Variants in MRPS18B observed in about 807,000 individuals in gnomAD.
MRPS18B encodes mitochondrial ribosomal protein S18B, also known as small ribosomal subunit protein mS40.
In MRPS18B, 27 loss-of-function variants were observed where a neutral mutation model predicts 28.4. The ratio of observed to expected loss-of-function variants is 0.95; its 90% CI spans 0.70 to 1.31. MRPS18B has a LOEUF of 1.31. Among genes scored for constraint, MRPS18B ranks in the 40% most tolerant of loss-of-function variants. MRPS18B has a pLI of 0.00. For synonymous variants in MRPS18B, 118 were observed against 123.7 expected (o/e 0.95, Z 0.30); for missense variants, 343 against 335.9 (o/e 1.02, Z -0.17).
chr6:30,626,092 GTC>G lies in MRPS18B; in HGVS notation c.*298_*299del. The G allele has an allele frequency of 3.4e-6, 1 of 290,616 alleles. No homozygotes were observed. The highest frequency in any genetic ancestry group is 6.2e-6 in the Non-Finnish European group (1 of 162,240). The allele number at this position is 290,616 out of a possible 1,614,324, so 18.0% of individuals were successfully genotyped here. ...CCAGCCTGGGTGACAGCTAGACCCT[GTC>G]TCAAAAAAAAAAAAAAAGACTGGGA... is the stretch of plus-strand genomic sequence containing the variant. On this transcript the variant is annotated 3_prime_UTR_variant, in exon 7 of 7. Transcript: ENST00000259873.
intron 4 of MRPS18B, among the ~76,000 whole-genome samples, chr6:30,621,521 AAGT>A (rs751470825): frequency 6.4e-4 from 98 of 152,370 alleles, no homozygotes; most frequent in Non-Finnish European, 9.4e-4. Flanking sequence ...ATCATCAGGG[AAGT>A]AGTAGAGCAT....
At chr6:30,624,846 CT>C in intron 5 of MRPS18B, 36 bp from the exon 6 acceptor site, 1 of 1,608,820 alleles carries the variant, frequency 6.2e-7, no homozygotes, top group Non-Finnish European at 8.5e-7. Context: ...CTATTATTTA[CT>C]GTGCCTTAAA....
At chr6:30,622,762 T>C (rs574867224) in intron 4 of MRPS18B, 70 bp from the exon 5 acceptor site, 2 of 1,465,100 alleles carry the variant, frequency 1.4e-6, no homozygotes, top group East Asian at 4.5e-5. Context: ...TTGTGTACTT[T>C]CGATGTCCAA....
At position 30,625,456 on chromosome 6, in the gene MRPS18B, CCCT is replaced by C. The variant is rs761739255; in HGVS notation, c.482-41_482-39del. Reference sequence around the variant, plus strand: ...CCTTTTTCTTACTTCATCTAAACCACCCTCCTCATTGCCTCTTAAATTTCTTTT... The same window carrying C: ...CCTTTTTCTTACTTCATCTAAACCACCCTCATTGCCTCTTAAATTTCTTTT... On this transcript the variant is annotated intron_variant, in intron 6 of 6. Transcript: ENST00000259873. 12 of 1,454,490 alleles carry C rather than the reference CCCT, an allele frequency of 8.3e-6. No individual in the cohort carries two copies. In the Admixed American group the frequency reaches 2.5e-4, roughly 30 times the overall value. 90.1% of individuals were successfully genotyped at this position (1,454,490 alleles called of 1,614,324 possible). A position where few individuals can be genotyped will look rare whatever the true frequency, so the allele number is the denominator to read the frequency against.
At position 30,619,753 on chromosome 6, in the gene MRPS18B, C is replaced by T. The variant is rs147483597; in HGVS notation, c.232C>T (p.Arg78Cys). 8.8e-5 allele frequency: 142 copies of T among 1,614,096 alleles called. No homozygotes were observed. The African/African-American group carries it at 1.4e-3, about 16-fold the overall frequency. Residue 78 changes from arginine (R) to cysteine (C), a missense_variant, in exon 3 of 7, where the codon CGC (arginine) becomes TGC (cysteine). Transcript: ENST00000259873. ...TTCTCGCCCCGTCTGGGCTGACTAC[C>T]GCCGCAACCACAAGGGTGGTGTACC... The part of the protein sequence containing the change: ...YGSRPVWADY[R>C]RNHKGGVPPQ...
intron 4 of MRPS18B, among the ~76,000 whole-genome samples, chr6:30,620,781 G>A (rs1241891673): frequency 6.6e-6 from 1 of 152,032 alleles, no homozygotes; most frequent in Non-Finnish European, 1.5e-5. Context: ...TATTGGCCAG[G>A]CTGGTCTCAA....
intron 4 of MRPS18B, among the ~76,000 whole-genome samples, chr6:30,621,473 C>T (rs1423430045): frequency 1.3e-5 from 2 of 152,102 alleles, no homozygotes; most frequent in Non-Finnish European, 2.9e-5. Context: ...TTCTTCTGAG[C>T]TTGCAGCAAA....
chr6:30,621,452 A>C (rs1460094793), intron 4 of MRPS18B, among the ~76,000 whole-genome samples: 1 of 152,194 alleles, frequency 6.6e-6, no homozygotes, highest in Non-Finnish European at 1.5e-5. Context: ...AAAACAGATA[A>C]TGGGAAAGTG....
At chr6:30,623,886 CT>C (rs1356519528) in intron 5 of MRPS18B, among the ~76,000 whole-genome samples, 3 of 152,048 alleles carry the variant, frequency 2.0e-5, no homozygotes, top group African/African-American at 7.2e-5. Flanking sequence ...AGTGATTCTC[CT>C]GCCTCAGCCC....
At chr6:30,625,397 C>T in intron 6 of MRPS18B, 105 bp from the exon 7 acceptor site, 3 of 1,151,876 alleles carry the variant, frequency 2.6e-6, no homozygotes, top group Non-Finnish European at 3.7e-6. Context: ...CATAAATGTA[C>T]CTGGTGGCTC....
chr6:30,620,230 T>G (rs533072782), intron 4 of MRPS18B: 11 of 476,904 alleles, frequency 2.3e-5, no homozygotes, highest in Non-Finnish European at 4.2e-5. Flanking sequence ...GGCAGGAGAA[T>G]GGCGTGAACC....
At chr6:30,620,337 T>A (rs921769917) in intron 4 of MRPS18B, among the ~76,000 whole-genome samples, 182 of 151,252 alleles carry the variant, frequency 1.2e-3, no homozygotes, top group African/African-American at 4.0e-3. Context: ...TAAAATAAAA[T>A]AAAAAAAATT....
chr6:30,621,962 CAG>C (rs1204053340), intron 4 of MRPS18B, among the ~76,000 whole-genome samples: 3 of 151,950 alleles, frequency 2.0e-5, no homozygotes, highest in Admixed American at 6.6e-5. Flanking sequence ...CAAAACAAAA[CAG>C]AGATTATAAT....
rs200725313 is a variant in MRPS18B at position 30,617,855 on chromosome 6, C to T, written c.-11C>T. ...CCTTTCCGTCAATTCCTGTCCTGGG[C>T]GTACGTCAAGATGGCGGCGTCTGTA... On this transcript the variant is annotated 5_prime_UTR_variant, in exon 1 of 7. Transcript: ENST00000259873. 1.9e-6 allele frequency: 3 copies of T among 1,614,154 alleles called. No individual in the cohort carries two copies. Among genetic ancestry groups the T allele is most frequent in the African/African-American group, 2.7e-5 (2 of 75,058 alleles).
chr6:30,622,174 G>T (rs1185432424), intron 4 of MRPS18B, among the ~76,000 whole-genome samples: 1 of 151,986 alleles, frequency 6.6e-6, no homozygotes, highest in Non-Finnish European at 1.5e-5. Context: ...TACATTAGTT[G>T]TTTATACATA....
At chr6:30,618,865 TCCA>T (rs887789936) in intron 1 of MRPS18B, among the ~76,000 whole-genome samples, 1 of 152,172 alleles carries the variant, frequency 6.6e-6, no homozygotes, top group Non-Finnish European at 1.5e-5. Context: ...ACTTTATTCT[TCCA>T]CCAGAGTCAA....
rs774182614 is a variant in MRPS18B, at chr6:30,624,865, A to T, written c.422-18A>T. The stretch of plus-strand genomic sequence containing the variant: ...TATTTACTGTGCCTTAAAGAACAAG[A>T]TATTTTTCTCCCCACAGGAGTCTGT... On this transcript the variant is annotated intron_variant, in intron 5 of 6. Coordinates refer to ENST00000259873, the MANE Select transcript of MRPS18B (RefSeq NM_014046.4). 7.4e-6 allele frequency: 12 copies of T among 1,612,160 alleles called. No individual in the cohort carries two copies. Among genetic ancestry groups the T allele is most frequent in the East Asian group, 4.5e-5 (2 of 44,860 alleles).
At chr6:30,621,916 C>T (rs927963767) in intron 4 of MRPS18B, among the ~76,000 whole-genome samples, 12 of 152,342 alleles carry the variant, frequency 7.9e-5, no homozygotes, top group African/African-American at 2.6e-4. Flanking sequence ...CACTGCACTC[C>T]AGCCTGAGCA....
In MRPS18B at chr6:30,619,777, C is replaced by A; in HGVS notation, c.256C>A (p.Pro86Thr). The change falls in exon 3 of 7, where the codon CCC becomes ACC. Residue 86 changes from proline to threonine, a missense_variant. Physicochemically the swap from Pro to Thr is conservative, Grantham distance 38. Transcript: ENST00000259873. ...CCGCCGCAACCACAAGGGTGGTGTA[C>A]CCCCACAGCGGACTCGGAAGACATG... ...DYRRNHKGGV[P>T]PQRTRKTCIR... 1.2e-6 allele frequency: 2 copies of A among 1,614,182 alleles called. No homozygotes were observed. Among genetic ancestry groups the A allele is most frequent in the Non-Finnish European group, 8.5e-7 (1 of 1,180,010 alleles).
Sources: gnomAD v4.1 joint callset for allele counts (sites outside exome capture counted in the v4.1 genomes callset) on GRCh38, gnomAD v4.1.1 for gene constraint, MANE v1.5 for transcripts, NCBI Gene and HGNC (gene_info 2026-07-23, HGNC 2026-07-21) for gene names.